The following NCKAP5 variants were observed in gnomAD, a reference collection of about 807,000 sequenced individuals.
NCKAP5 encodes nck-associated protein 5.
A neutral mutation model predicts 167.0 loss-of-function variants in NCKAP5; 92 were observed. The ratio of observed to expected loss-of-function variants is 0.55; its 90% CI spans 0.47 to 0.66. NCKAP5 has a LOEUF of 0.66. Among genes scored for constraint, NCKAP5 ranks in the 30% least tolerant of loss-of-function variants. NCKAP5 has a pLI of 0.00. For synonymous variants in NCKAP5, 891 were observed against 877.4 expected, an observed-to-expected ratio of 1.02 and a Z score of -0.27; for missense variants, 2,378 against 2,315.0, an observed-to-expected ratio of 1.03 and a Z score of -0.56.
intron 3 of NCKAP5, among the ~76,000 whole-genome samples, chr2:133,351,752 ACTCT>A (rs1267433965): frequency 2.0e-5 from 3 of 150,826 alleles, no homozygotes; most frequent in African/African-American, 4.9e-5. Flanking sequence ...CTGCCAGACC[ACTCT>A]CTCTCATGCC....
intron 3 of NCKAP5, among the ~76,000 whole-genome samples, chr2:133,391,958 C>A (rs1054503148): frequency 1.3e-5 from 2 of 152,198 alleles, no homozygotes. Context: ...GGGGTTACAA[C>A]GTCCCTTTGC....
intron 8 of NCKAP5, among the ~76,000 whole-genome samples, chr2:132,943,008 C>T (rs879328780): frequency 1.3e-5 from 2 of 152,164 alleles, no homozygotes; most frequent in Admixed American, 6.5e-5. Context: ...AAGTACAATG[C>T]CTTGTCATTT....
chr2:133,498,887 A>G (rs1251694277), intron 3 of NCKAP5, among the ~76,000 whole-genome samples: 1 of 152,220 alleles, frequency 6.6e-6, no homozygotes, highest in Non-Finnish European at 1.5e-5. Flanking sequence ...AATACTCATT[A>G]TCTTGGCTTC....
intron 5 of NCKAP5, among the ~76,000 whole-genome samples, chr2:133,178,559 C>T (rs993595879): frequency 7.1e-6 from 1 of 140,710 alleles, no homozygotes; most frequent in African/African-American, 2.8e-5. Flanking sequence ...GGCGCATTGG[C>T]TCACGCCTGT....
intron 11 of NCKAP5, among the ~76,000 whole-genome samples, chr2:132,855,131 G>A (rs962093195): frequency 2.0e-5 from 3 of 152,106 alleles, no homozygotes; most frequent in Admixed American, 2.0e-4. Flanking sequence ...ATCATCGAAA[G>A]CCTTGCTCTG....
chr2:133,511,707 G>C (rs1376014490), intron 3 of NCKAP5, among the ~76,000 whole-genome samples: 2 of 152,222 alleles, frequency 1.3e-5, no homozygotes, highest in Non-Finnish European at 2.9e-5. Context: ...GTACATGTAA[G>C]AGACACAGAA....
At chr2:132,833,466 TC>T (rs2105376941) in intron 11 of NCKAP5, among the ~76,000 whole-genome samples, 1 of 152,324 alleles carries the variant, frequency 6.6e-6, no homozygotes, top group East Asian at 1.9e-4. Flanking sequence ...CTGAAATGTT[TC>T]CCCTATGTTT....
chr2:133,420,482 G>T (rs1689403834), intron 3 of NCKAP5, among the ~76,000 whole-genome samples: 1 of 152,198 alleles, frequency 6.6e-6, no homozygotes, highest in Non-Finnish European at 1.5e-5. Context: ...AACTGATACT[G>T]GTTATGAGGT....
intron 6 of NCKAP5, among the ~76,000 whole-genome samples, chr2:133,109,216 G>T (rs778545916): frequency 3.5e-4 from 54 of 152,162 alleles, no homozygotes; most frequent in Non-Finnish European, 5.0e-4. Flanking sequence ...CCACTTACTT[G>T]ATTGTAATAT....
At chr2:133,621,696 A>G in the NCKAP5 span, among the ~76,000 whole-genome samples, 3,141 of 152,280 alleles carry the variant, frequency 0.021, 203 homozygotes, top group East Asian at 0.23. Flanking sequence ...GCTGAATTCT[A>G]TCAGACATAC....
chr2:133,167,260 T>C (rs2084037515), intron 5 of NCKAP5, among the ~76,000 whole-genome samples: 1 of 152,178 alleles, frequency 6.6e-6, no homozygotes, highest in Non-Finnish European at 1.5e-5. Flanking sequence ...GGCTTACTCA[T>C]CTTAGTATCA....
chr2:133,517,317 G>A, intron 3 of NCKAP5, 141 bp downstream of exon 3: 1 of 438,162 alleles, frequency 2.3e-6, no homozygotes, highest in East Asian at 3.5e-5. Flanking sequence ...AAAAATAAAT[G>A]AAACAAAATC....
In NCKAP5 at chr2:132,784,481, G is replaced by A. The variant is rs1397289588; in HGVS notation, c.2330C>T (p.Thr777Ile). The change falls in exon 14 of 20, where the codon ACA (threonine) becomes ATA (isoleucine). Residue 777 changes from threonine to isoleucine, a missense_variant. By Grantham distance (89) the Thr-to-Ile change is moderately conservative. Around this residue, in one of 3 missense-constraint regions of NCKAP5, gnomAD observed 1,049 missense variants for 1,023.4 expected, o/e 1.02. Transcript: ENST00000409261. ...NPQQQKLVKP[T>I]HNISCQSNSR... ...ATTACTCTGGCATGATATATTGTGTGTTGGTTTGACCAGCTTTTGCTGCTG... is the reference window on the plus strand; with the variant it reads ...ATTACTCTGGCATGATATATTGTGTATTGGTTTGACCAGCTTTTGCTGCTG... 3 of 1,585,002 alleles carry A rather than the reference G, an allele frequency of 1.9e-6. No individual in the cohort carries two copies. The highest frequency in any genetic ancestry group is 8.6e-7 in the Non-Finnish European group (1 of 1,166,860).
intron 3 of NCKAP5, among the ~76,000 whole-genome samples, chr2:133,476,957 T>G (rs1405152638): frequency 1.3e-5 from 2 of 152,334 alleles, no homozygotes; most frequent in East Asian, 3.9e-4. Flanking sequence ...GGTCCCTTAT[T>G]TGAAATGACC....
intron 3 of NCKAP5, among the ~76,000 whole-genome samples, chr2:133,511,004 C>G (rs1225976658): frequency 6.6e-6 from 1 of 152,136 alleles, no homozygotes; most frequent in Non-Finnish European, 1.5e-5. Flanking sequence ...TAAATTTCAG[C>G]TACTATTACT....
intron 3 of NCKAP5, among the ~76,000 whole-genome samples, chr2:133,327,687 A>G (rs1374357069): frequency 3.9e-5 from 6 of 152,204 alleles, no homozygotes; most frequent in Non-Finnish European, 8.8e-5. Context: ...GGTAAATAAT[A>G]TAGTTGCCTA....
At chr2:133,070,478 A>G (rs1167903548) in intron 6 of NCKAP5, among the ~76,000 whole-genome samples, 2 of 152,120 alleles carry the variant, frequency 1.3e-5, no homozygotes, top group Admixed American at 6.5e-5. Flanking sequence ...TTCCTGTATC[A>G]TATCTCTAGG....
intron 5 of NCKAP5, among the ~76,000 whole-genome samples, chr2:133,190,564 A>C (rs62177495): frequency 0.094 from 14,330 of 152,268 alleles, 825 homozygotes; most frequent in East Asian, 0.14. Flanking sequence ...ACTGGTACCA[A>C]AACAGAGATA....
chr2:132,913,402 C>T (rs1156939010), intron 8 of NCKAP5, among the ~76,000 whole-genome samples: 1 of 151,710 alleles, frequency 6.6e-6, no homozygotes, highest in Non-Finnish European at 1.5e-5. Context: ...GGGTGTGATG[C>T]TTAACCTCTC....
Sources: gnomAD v4.1 joint callset for allele counts (sites outside exome capture counted in the v4.1 genomes callset) on GRCh38, gnomAD v4.1.1 for gene constraint, gnomAD v4.1.1 regional missense constraint, MANE v1.5 for transcripts, NCBI Gene and HGNC (gene_info 2026-07-23, HGNC 2026-07-21) for gene names.